The following CEP85L variants were observed in gnomAD, a reference collection of about 807,000 sequenced individuals.
The protein encoded by CEP85L is centrosomal protein of 85 kDa-like.
A neutral mutation model predicts 100.3 loss-of-function variants in CEP85L; 60 were observed. That is an observed-to-expected ratio of 0.60 (90% CI 0.49 to 0.74). CEP85L has a LOEUF of 0.74. Ranked by LOEUF, CEP85L falls within the 30% of genes least tolerant of loss-of-function variation. The pLI is 0.00. For synonymous variants in CEP85L, 319 were observed against 322.7 expected, an observed-to-expected ratio of 0.99 and a Z score of 0.12; for missense variants, 973 against 936.2, an observed-to-expected ratio of 1.04 and a Z score of -0.51.
In CEP85L at chr6:118,481,815, T is replaced by C; in HGVS notation, c.1709A>G (p.Lys570Arg). The change falls in exon 8 of 13, where the codon AAA becomes AGA. Residue 570 changes from lysine to arginine, a missense_variant. By Grantham distance (26) the Lys-to-Arg change is conservative. Transcript: ENST00000368491. The stretch of plus-strand genomic sequence containing the variant: ...AGTTACTAACTCCTTTTCTTTCTTT[T>C]TCTGGCATATTAACTGTGTCTCTTT... ...QDKETQLICQ[K>R]KKEKELVTTV... 1 of 1,594,276 alleles carries C rather than the reference T, an allele frequency of 6.3e-7. No homozygotes were observed. The highest frequency in any genetic ancestry group is 8.5e-7 in the Non-Finnish European group (1 of 1,171,678).
chr6:118,637,084 C>T (rs1036210336), intron 1 of CEP85L, among the ~76,000 whole-genome samples: 2 of 152,234 alleles, frequency 1.3e-5, no homozygotes, highest in East Asian at 1.9e-4. Context: ...ATATCATCTA[C>T]TCAATATGAT....
chr6:118,663,058 A>G (rs563708244), intron 1 of CEP85L, among the ~76,000 whole-genome samples: 1 of 152,362 alleles, frequency 6.6e-6, no homozygotes, highest in East Asian at 1.9e-4. Flanking sequence ...GTAAAAAAAA[A>G]AAGCAGTGAA....
chr6:118,680,305 GCTTT>G (rs1562356105), intron 1 of CEP85L, among the ~76,000 whole-genome samples: 1 of 85,600 alleles, frequency 1.2e-5, no homozygotes, highest in Non-Finnish European at 2.2e-5. Context: ...CCTTGGTGTT[GCTTT>G]TTTTTTTTTT....
chr6:118,672,119 C>A (rs1451631155), intron 1 of CEP85L, among the ~76,000 whole-genome samples: 2 of 152,234 alleles, frequency 1.3e-5, no homozygotes, highest in East Asian at 3.9e-4. Context: ...TCACTGCAAC[C>A]TCTCCTTCCT....
At chr6:118,469,659 G>A (rs1286506841) in intron 11 of CEP85L, among the ~76,000 whole-genome samples, 2 of 152,008 alleles carry the variant, frequency 1.3e-5, no homozygotes, top group Non-Finnish European at 2.9e-5. Flanking sequence ...GTACAGTGGC[G>A]CAATCATGAC....
intron 2 of CEP85L, among the ~76,000 whole-genome samples, chr6:118,609,081 T>G (rs1772436308): frequency 6.6e-6 from 1 of 152,130 alleles, no homozygotes; most frequent in Admixed American, 6.5e-5. Flanking sequence ...TTTAAAGAAA[T>G]CCAATATATA....
intron 2 of CEP85L, among the ~76,000 whole-genome samples, chr6:118,583,137 G>A (rs890048394): frequency 2.6e-5 from 4 of 152,198 alleles, no homozygotes; most frequent in Non-Finnish European, 5.9e-5. Flanking sequence ...TGCCCCCAGA[G>A]GCAGAGGTCG....
intron 2 of CEP85L, among the ~76,000 whole-genome samples, chr6:118,586,119 G>C (rs142817223): frequency 3.3e-4 from 50 of 152,250 alleles, no homozygotes; most frequent in African/African-American, 1.0e-3. Flanking sequence ...TGGGCTTAGA[G>C]ACCCTAATCC....
chr6:118,553,386 AG>A (rs2114939894), intron 3 of CEP85L, among the ~76,000 whole-genome samples: 1 of 152,320 alleles, frequency 6.6e-6, no homozygotes, highest in Admixed American at 6.5e-5. Context: ...AATGTATGAC[AG>A]GAAGCCCCAT....
rs567587247 is a variant in CEP85L, at chr6:118,604,665, G to C, written c.232+27788C>G. On this transcript the variant is annotated intron_variant, in intron 2 of 12. Coordinates refer to ENST00000368491, the MANE Select transcript of CEP85L (RefSeq NM_001042475.3). ...ACACACCAGGCAGAACTGCAGATAA[G>C]AACTGACTCTCCAGCATAGCTAGGG... 1.2e-4 allele frequency among the ~76,000 whole-genome samples: 18 copies of C among 152,302 alleles called. No homozygotes were observed. The South Asian group carries it at 3.7e-3, about 32-fold the overall frequency.
chr6:118,665,356 A>G (rs1325576236), intron 1 of CEP85L, among the ~76,000 whole-genome samples: 1 of 151,766 alleles, frequency 6.6e-6, no homozygotes, highest in African/African-American at 2.4e-5. Flanking sequence ...ATTTTATTTT[A>G]TTTTATTATT....
rs114858820 is a variant in CEP85L at position 118,514,203 on chromosome 6, G to A, written c.1140-2788C>T. ...AACTAATTCAAGAGAAGGCAAAGGG[G>A]AACAAAGATCAGATGGGACAATAAG... is the stretch of plus-strand genomic sequence containing the variant. On this transcript the variant is annotated intron_variant, in intron 4 of 12. Transcript: ENST00000368491. Among the ~76,000 whole-genome samples, 297 of 152,138 alleles carry A rather than the reference G, an allele frequency of 2.0e-3. 1 individual carries two copies. The highest frequency in any genetic ancestry group is 6.8e-3 in the African/African-American group (281 of 41,482).
chr6:118,474,786 G>T (rs1367404567), intron 10 of CEP85L, among the ~76,000 whole-genome samples: 17 of 152,210 alleles, frequency 1.1e-4, no homozygotes, highest in Non-Finnish European at 2.1e-4. Flanking sequence ...GCAACAGTGT[G>T]ATGACAAAGC....
chr6:118,640,135 C>T (rs1189914674), intron 1 of CEP85L, among the ~76,000 whole-genome samples: 4 of 151,980 alleles, frequency 2.6e-5, no homozygotes, highest in East Asian at 1.9e-4. Context: ...AAGAAAAAAA[C>T]GTTCATATTA....
At chr6:118,495,402 C>T (rs562896707) in intron 5 of CEP85L, among the ~76,000 whole-genome samples, 1 of 152,170 alleles carries the variant, frequency 6.6e-6, no homozygotes, top group African/African-American at 2.4e-5. Context: ...GGGGCGATTA[C>T]CCCCATGCTA....
At chr6:118,542,917 A>AAAACAAAAAAAAC (rs1777985770) in intron 3 of CEP85L, among the ~76,000 whole-genome samples, 1 of 150,080 alleles carries the variant, frequency 6.7e-6, no homozygotes, top group Non-Finnish European at 1.5e-5. Flanking sequence ...AAAAAAAAAA[A>AAAACAAAAAAAAC]AAAAAACAGG....
Position 118,580,851 on chromosome 6 carries a change from G to A in CEP85L, c.233-14535C>T, listed in dbSNP as rs143359650. On this transcript the variant is annotated intron_variant, in intron 2 of 12. Transcript: ENST00000368491. ...TCAACTGTGTGGGAATTTAGTAACC[G>A]GGAGTTTAACTCAAGAATGCCATTG... Among the ~76,000 whole-genome samples, 35 of 152,230 alleles carry A rather than the reference G, an allele frequency of 2.3e-4. No individual in the cohort carries two copies. In the East Asian group the frequency reaches 2.3e-3, roughly 10 times the overall value.
chr6:118,619,744 G>C (rs1773319131), intron 2 of CEP85L, among the ~76,000 whole-genome samples: 2 of 152,334 alleles, frequency 1.3e-5, no homozygotes, highest in Admixed American at 1.3e-4. Flanking sequence ...TAACTATATA[G>C]ATGTCTTACA....
intron 5 of CEP85L, among the ~76,000 whole-genome samples, chr6:118,493,581 A>T (rs547059684): frequency 5.9e-5 from 9 of 152,226 alleles, no homozygotes; most frequent in African/African-American, 2.2e-4. Context: ...GATATAGAGC[A>T]TGGAGAACAG....
Sources: allele counts gnomAD v4.1 joint callset (sites outside exome capture counted in the v4.1 genomes callset), GRCh38; gene constraint gnomAD v4.1.1; transcripts MANE v1.5; gene names NCBI Gene and HGNC (gene_info 2026-07-23, HGNC 2026-07-21).